ARSB: variants seen among roughly 807,000 people sequenced by gnomAD.
ARSB encodes arylsulfatase B.
ARSB carries 41 observed loss-of-function variants against 50.9 expected under a neutral mutation model. The ratio of observed to expected loss-of-function variants is 0.81; its 90% CI spans 0.63 to 1.04. The LOEUF (loss-of-function observed/expected upper bound fraction) is 1.04, where lower values mean the gene tolerates loss of function less well. Ranked by LOEUF, ARSB falls within the 50% of genes least tolerant of loss-of-function variation. The pLI is 0.00. For synonymous variants in ARSB, 269 were observed against 284.8 expected, an observed-to-expected ratio of 0.94 and a Z score of 0.56; for missense variants, 672 against 693.3, an observed-to-expected ratio of 0.97 and a Z score of 0.35.
Position 78,816,160 on chromosome 5 carries a change from C to T in ARSB, c.1213+23196G>A, listed in dbSNP as rs1187029963. ...CTTTCCTGAAGATATACAGATTTCT[C>T]AGGGTACGGTTGTATCAGGACTGCA... On this transcript the variant is annotated intron_variant, in intron 6 of 7. Transcript: ENST00000264914. The T allele has an allele frequency of 2.5e-6, 4 of 1,613,908 alleles. No individual in the cohort carries two copies. In the Admixed American group the frequency reaches 6.7e-5, roughly 27 times the overall value.
chr5:78,846,624 G>C (rs771699793), intron 5 of ARSB, among the ~76,000 whole-genome samples: 1 of 152,076 alleles, frequency 6.6e-6, no homozygotes, highest in Non-Finnish European at 1.5e-5. Context: ...TACTGAATTT[G>C]TTTATCAGTT....
chr5:78,896,414 A>G lies in ARSB; in HGVS notation c.899-10587T>C, dbSNP rs548044636. On this transcript the variant is annotated intron_variant, in intron 4 of 7. Coordinates refer to ENST00000264914, the MANE Select transcript of ARSB (RefSeq NM_000046.5). ...AACTGAGATGATCTGAATTGACTGG[A>G]ACCAGGTTTCCTCCACCCAGCAGAA... 2.0e-5 allele frequency among the ~76,000 whole-genome samples: 3 copies of G among 152,266 alleles called. No individual in the cohort carries two copies. The East Asian group carries it at 5.8e-4, about 29-fold the overall frequency.
intron 4 of ARSB, among the ~76,000 whole-genome samples, chr5:78,901,557 C>A (rs11956583): frequency 0.049 from 7,310 of 148,522 alleles, 552 homozygotes; most frequent in African/African-American, 0.17. Context: ...ATAGTTTTTT[C>A]AAAAAAAAAT....
chr5:78,895,162 A>C (rs1470902586), intron 4 of ARSB, among the ~76,000 whole-genome samples: 1 of 152,240 alleles, frequency 6.6e-6, no homozygotes, highest in African/African-American at 2.4e-5. Context: ...CAATTCTAGC[A>C]ATATGTGCGG....
intron 4 of ARSB, among the ~76,000 whole-genome samples, chr5:78,932,231 G>C (rs747469802): frequency 2.0e-5 from 3 of 152,208 alleles, no homozygotes; most frequent in Non-Finnish European, 4.4e-5. Context: ...CCATTCCCAG[G>C]GGTATTATGT....
intron 2 of ARSB, among the ~76,000 whole-genome samples, chr5:78,968,207 GAA>G (rs1752284736): frequency 6.6e-6 from 1 of 150,886 alleles, no homozygotes; most frequent in African/African-American, 2.4e-5. Flanking sequence ...AATGCCAATG[GAA>G]GAGTCTTCCC....
chr5:78,787,091 C>CATCTATCCATCTATCT (rs1749101312), intron 6 of ARSB, among the ~76,000 whole-genome samples: 1 of 127,954 alleles, frequency 7.8e-6, no homozygotes, highest in Non-Finnish European at 1.8e-5. Context: ...AATCGATAAC[C>CATCTATCCATCTATCT]ATCTATCTAT....
chr5:78,863,615 G>A (rs571769795), intron 5 of ARSB, among the ~76,000 whole-genome samples: 1 of 142,812 alleles, frequency 7.0e-6, no homozygotes, highest in African/African-American at 2.5e-5. Context: ...TGTGGGGTGG[G>A]GGGTGGGGGT....
At chr5:78,881,151 G>T (rs886934327) in intron 5 of ARSB, among the ~76,000 whole-genome samples, 3 of 152,000 alleles carry the variant, frequency 2.0e-5, no homozygotes, top group Non-Finnish European at 4.4e-5. Context: ...AGAACCGCTT[G>T]AACCCAGGAG....
intron 3 of ARSB, among the ~76,000 whole-genome samples, chr5:78,958,918 T>C (rs915606534): frequency 1.3e-5 from 2 of 150,520 alleles, no homozygotes; most frequent in Admixed American, 6.6e-5. Flanking sequence ...CCTTGACTAA[T>C]CAGATCATTG....
intron 3 of ARSB, among the ~76,000 whole-genome samples, chr5:78,956,054 T>C (rs917459952): frequency 1.1e-4 from 16 of 152,098 alleles, no homozygotes; most frequent in Admixed American, 3.3e-4. Flanking sequence ...AAAGCATACA[T>C]CCACCCAAAA....
chr5:78,870,877 C>T (rs1252818399), intron 5 of ARSB, among the ~76,000 whole-genome samples: 2 of 152,146 alleles, frequency 1.3e-5, no homozygotes, highest in African/African-American at 4.8e-5. Context: ...GTCAAATTGT[C>T]CCTGTTTGCA....
chr5:78,815,561 G>A, intron 6 of ARSB: 1 of 987,232 alleles, frequency 1.0e-6, no homozygotes, highest in South Asian at 4.6e-5. Flanking sequence ...AAAGCATCTG[G>A]GCCTACATTT....
At chr5:78,972,711 C>T (rs1221505324) in intron 1 of ARSB, among the ~76,000 whole-genome samples, 1 of 152,186 alleles carries the variant, frequency 6.6e-6, no homozygotes, top group East Asian at 1.9e-4. Context: ...GAGATAAATG[C>T]TCTGCGAAAA....
chr5:78,844,950 C>G (rs10040776), intron 5 of ARSB, among the ~76,000 whole-genome samples: 18,901 of 151,896 alleles, frequency 0.12, 1,464 homozygotes, highest in Non-Finnish European at 0.17. Context: ...TGATAGTCAC[C>G]CTATAGTGCT....
chr5:78,841,171 A>ACTACTACTACTACTAC (rs1554074366), intron 5 of ARSB, among the ~76,000 whole-genome samples: 93 of 62,042 alleles, frequency 1.5e-3, no homozygotes, highest in African/African-American at 4.1e-3. Flanking sequence ...ACTACTACTA[A>ACTACTACTACTACTAC]TAATAATAAT....
chr5:78,878,661 G>C (rs114994878), intron 5 of ARSB, among the ~76,000 whole-genome samples: 32 of 151,634 alleles, frequency 2.1e-4, no homozygotes, highest in African/African-American at 7.5e-4. Context: ...CTGTAAAATT[G>C]AGGTGAAAAG....
At chr5:78,921,276 G>A (rs1475100172) in intron 4 of ARSB, among the ~76,000 whole-genome samples, 1 of 152,120 alleles carries the variant, frequency 6.6e-6, no homozygotes, top group African/African-American at 2.4e-5. Context: ...GAGCTGAGCT[G>A]TTCAAAACAA....
intron 6 of ARSB, among the ~76,000 whole-genome samples, chr5:78,808,893 C>T (rs1368606916): frequency 6.6e-6 from 1 of 152,208 alleles, no homozygotes; most frequent in Admixed American, 6.5e-5. Flanking sequence ...GTGTCTAGGG[C>T]AGCACACAGC....
Sources: gnomAD v4.1 joint callset for allele counts (sites outside exome capture counted in the v4.1 genomes callset) on GRCh38, gnomAD v4.1.1 for gene constraint, MANE v1.5 for transcripts, NCBI Gene and HGNC (gene_info 2026-07-23, HGNC 2026-07-21) for gene names.